Variants in NOP14 observed in about 807,000 individuals in gnomAD.
NOP14 encodes the protein nucleolar protein 14.
NOP14 carries 57 observed loss-of-function variants against 101.6 expected under a neutral mutation model. That is an observed-to-expected ratio of 0.56 (90% confidence interval 0.45 to 0.70). The LOEUF is 0.70. Among genes scored for constraint, NOP14 ranks in the 30% least tolerant of loss-of-function variants. The probability of loss-of-function intolerance (pLI) is 0.00; values close to 1 mark genes in which losing one functional copy is unlikely to be tolerated. For missense variants in NOP14, 1,134 were observed against 1,075.5 expected (o/e 1.05, Z -0.76); for synonymous variants, 428 against 424.0 (o/e 1.01, Z -0.12).
chr4:2,956,266 G>A (rs1325462455), intron 3 of NOP14, among the ~76,000 whole-genome samples: 2 of 152,216 alleles, frequency 1.3e-5, no homozygotes, highest in Non-Finnish European at 2.9e-5. Context: ...GGCTGGAATT[G>A]ATAAAGTAGG....
chr4:2,959,169 G>A (rs1035008414), intron 1 of NOP14, among the ~76,000 whole-genome samples: 8 of 152,174 alleles, frequency 5.3e-5, no homozygotes, highest in Non-Finnish European at 1.0e-4. Flanking sequence ...ATACTGCCAA[G>A]GCAATTTTCG....
In NOP14 at chr4:2,941,637, A is replaced by AGAG. The variant is rs1446504695; in HGVS notation, c.2141_2143dup (p.Pro714dup). The AGAG allele has an allele frequency of 6.2e-7, 1 of 1,613,306 alleles. No homozygotes were observed. Among genetic ancestry groups the AGAG allele is most frequent in the East Asian group, 2.2e-5 (1 of 44,890 alleles). ...CAGGTGATCCGTGAGGAGGGCTTGGAGAGGCCCCATGATGGCGTGGAAGGA... is the reference window on the plus strand; with the variant it reads ...CAGGTGATCCGTGAGGAGGGCTTGGAGAGGAGGCCCCATGATGGCGTGGAAGGA... On this transcript the variant is annotated inframe_insertion, in exon 15 of 18. Transcript: ENST00000416614.
At chr4:2,942,818 G>C (rs778685896) in intron 13 of NOP14, among the ~76,000 whole-genome samples, 1 of 148,632 alleles carries the variant, frequency 6.7e-6, no homozygotes, top group Non-Finnish European at 1.5e-5. Context: ...GGCCTGAGGG[G>C]CAGACGTCAG....
At chr4:2,954,311 T>A in intron 4 of NOP14, 113 bp downstream of exon 4, 1 of 1,184,714 alleles carries the variant, frequency 8.4e-7, no homozygotes, top group Non-Finnish European at 1.2e-6. Flanking sequence ...TTTACTGAAC[T>A]CATATAAAAT....
rs2109286668 is a variant in NOP14 at position 2,939,092 on chromosome 4, C to T, written c.2474+96G>A. 6 of 1,562,828 alleles carry T rather than the reference C, an allele frequency of 3.8e-6. No individual in the cohort carries two copies. In the South Asian group the frequency reaches 6.9e-5, roughly 18 times the overall value. ...CTCCAACCCCCAGCCAGAGCCAAGG[C>T]TGTGGGATGCCAGGTGCCCGGTGCT... is the stretch of plus-strand genomic sequence containing the variant. On this transcript the variant is annotated intron_variant, in intron 17 of 17. Transcript: ENST00000416614.
chr4:2,951,369 C>G, intron 6 of NOP14, 124 bp from the exon 7 acceptor site: 1 of 745,630 alleles, frequency 1.3e-6, no homozygotes, highest in Non-Finnish European at 2.2e-6. Context: ...GCTGGTGCAT[C>G]CAGCCTGCTT....
rs900577362 is a variant in NOP14, at chr4:2,938,117, T to C, written c.*714A>G. ...GACCATTCCCGATCCCAGAGGTGCA[T>C]TTCAGGATTCATTCTATTTCATCAG... On this transcript the variant is annotated 3_prime_UTR_variant, in exon 18 of 18. Transcript: ENST00000416614. The C allele has an allele frequency of 3.7e-6, 4 of 1,083,226 alleles. No individual in the cohort carries two copies. Among genetic ancestry groups the C allele is most frequent in the Non-Finnish European group, 4.9e-6 (4 of 814,818 alleles). The allele number at this position is 1,083,226 out of a possible 1,614,324, so 67.1% of individuals were successfully genotyped here.
intron 1 of NOP14, among the ~76,000 whole-genome samples, chr4:2,958,781 G>C (rs1176262253): frequency 6.6e-6 from 1 of 152,194 alleles, no homozygotes; most frequent in African/African-American, 2.4e-5. Flanking sequence ...GGAGGGGACA[G>C]GTCAGATTTT....
chr4:2,956,161 G>A (rs563377600), intron 3 of NOP14, among the ~76,000 whole-genome samples: 1 of 152,218 alleles, frequency 6.6e-6, no homozygotes, highest in African/African-American at 2.4e-5. Context: ...GTTATCTACA[G>A]ATATGAGGCT....
intron 1 of NOP14, chr4:2,961,237 T>G (rs1715862636): frequency 2.2e-5 from 3 of 137,006 alleles, no homozygotes; most frequent in Non-Finnish European, 3.3e-5. Context: ...GTTAGTATAT[T>G]AATATATAGT....
intron 6 of NOP14, 109 bp from the exon 7 acceptor site, chr4:2,951,354 C>G: frequency 4.3e-6 from 4 of 934,998 alleles, no homozygotes; most frequent in Non-Finnish European, 6.4e-6. Flanking sequence ...CCTCCCAGCT[C>G]TGAGGCTGGT....
Position 2,941,581 on chromosome 4 carries a change from C to T in NOP14, c.2199+1G>A, listed in dbSNP as rs745974895. 1.2e-6 allele frequency: 2 copies of T among 1,611,428 alleles called. No individual in the cohort carries two copies. Among genetic ancestry groups the T allele is most frequent in the Non-Finnish European group, 8.5e-7 (1 of 1,179,556 alleles). ...GCACCCTAGTGGCCGGGAAGCCTCACCTGGAGCTCCTGCGGGTGGCTGCAG... is the reference window on the plus strand; with the variant it reads ...GCACCCTAGTGGCCGGGAAGCCTCATCTGGAGCTCCTGCGGGTGGCTGCAG... On this transcript the variant is annotated splice_donor_variant, in intron 15 of 17. Coordinates refer to ENST00000416614, the MANE Select transcript of NOP14 (RefSeq NM_001291978.2). LOFTEE classifies it high-confidence loss of function.
chr4:2,938,899 G>C lies in NOP14; in HGVS notation c.2506C>G (p.Leu836Val). 4 of 1,614,118 alleles carry C rather than the reference G, an allele frequency of 2.5e-6. No individual in the cohort carries two copies. In the East Asian group the frequency reaches 6.7e-5, roughly 27 times the overall value. Residue 836 changes from leucine (L) to valine (V), a missense_variant, in exon 18 of 18, where the codon CTT becomes GTT. By Grantham distance (32) the Leu-to-Val change is conservative (BLOSUM62 1). Transcript: ENST00000416614. ...TCCTGTGTAGCCAGGCTGTTAAAAAGCTGCTTTACTTTCCGCTTTCTTTCC... is the reference window on the plus strand; with the variant it reads ...TCCTGTGTAGCCAGGCTGTTAAAAACCTGCTTTACTTTCCGCTTTCTTTCC... ...DAERKRKVKQ[L>V]FNSLATQEGE...
In NOP14 at chr4:2,945,197, A is replaced by G. The variant is rs1484971024; in HGVS notation, c.1668T>C (p.Phe556=). The G allele has an allele frequency of 6.3e-7, 1 of 1,584,030 alleles. No individual in the cohort carries two copies. Among genetic ancestry groups the G allele is most frequent in the Non-Finnish European group, 8.6e-7 (1 of 1,164,484 alleles). Reference sequence around the variant, plus strand: ...CTGGGTGCCAGAAGTCGGAAGTTGGAAATAGCAGCCCAGTGATTTTCAAAT... The same window carrying G: ...CTGGGTGCCAGAAGTCGGAAGTTGGGAATAGCAGCCCAGTGATTTTCAAAT... ...LIYLKITGLL[F]PTSDFWHPVV... is the part of the protein sequence containing the mutation. Residue 556 remains phenylalanine (F), a synonymous_variant, in exon 12 of 18, where the codon TTT becomes TTC. Transcript: ENST00000416614.
chr4:2,949,744 TCA>T (rs1466439252), intron 8 of NOP14, among the ~76,000 whole-genome samples, 188 bp downstream of exon 8: 7 of 151,952 alleles, frequency 4.6e-5, no homozygotes, highest in East Asian at 1.9e-4. Context: ...AGAACCACAG[TCA>T]CAAACTAAGA....
chr4:2,946,334 C>T (rs1053887640), intron 11 of NOP14, 78 bp downstream of exon 11: 16 of 1,527,102 alleles, frequency 1.0e-5, no homozygotes, highest in Non-Finnish European at 1.4e-5. Context: ...CCAAGAGCAT[C>T]GTACCCGTCG....
At position 2,950,906 on chromosome 4, in the gene NOP14, G is replaced by T. The variant is rs369344022; in HGVS notation, c.1002+208C>A. ...AGAGAGAGTGAGAAAGAGAGCGTGA[G>T]CAAGTGAGTGCACATACTATTGTTA... On this transcript the variant is annotated intron_variant, in intron 7 of 17. Transcript: ENST00000416614. 1.2e-4 allele frequency: 57 copies of T among 491,038 alleles called. No homozygotes were observed. The South Asian group carries it at 1.5e-3, about 13-fold the overall frequency. 30.4% of individuals were successfully genotyped at this position (491,038 alleles called of 1,614,324 possible).
chr4:2,955,180 G>A lies in NOP14; in HGVS notation c.473-617C>T, dbSNP rs541328036. ...CCCCCTCTAGTCACCTGCACGCCAC[G>A]GCGCCCCCTCTAGTCACCTGGACCA... On this transcript the variant is annotated intron_variant, in intron 3 of 17. Transcript: ENST00000416614. 4.3e-3 allele frequency among the ~76,000 whole-genome samples: 191 copies of A among 44,634 alleles called. 5 individuals are homozygous for A. Among genetic ancestry groups the A allele is most frequent in the African/African-American group, 0.02 (175 of 8,860 alleles). The allele number at this position is 44,634 out of a possible 152,430, so 29.3% of individuals were successfully genotyped here. A position where few individuals can be genotyped will look rare whatever the true frequency, so the allele number is the denominator to read the frequency against.
intron 11 of NOP14, among the ~76,000 whole-genome samples, chr4:2,945,843 C>G (rs1398135229): frequency 1.3e-5 from 2 of 152,228 alleles, no homozygotes; most frequent in Non-Finnish European, 2.9e-5. Context: ...CCAGAATCTC[C>G]CTGCACGACC....
Sources: gnomAD v4.1 joint callset for allele counts (sites outside exome capture counted in the v4.1 genomes callset) on GRCh38, gnomAD v4.1.1 for gene constraint, MANE v1.5 for transcripts, NCBI Gene and HGNC (gene_info 2026-07-23, HGNC 2026-07-21) for gene names.